PCNX4: variants seen among roughly 807,000 people sequenced by gnomAD.
PCNX4 encodes pecanex-like protein 4.
In PCNX4, 103 loss-of-function variants were observed where a neutral mutation model predicts 107.2. The ratio of observed to expected loss-of-function variants is 0.96; its 90% confidence interval spans 0.82 to 1.13. The LOEUF is 1.13. Among genes scored for constraint, PCNX4 ranks in the 50% most tolerant of loss-of-function variants. The pLI, the probability that PCNX4 is intolerant of heterozygous loss-of-function variation, is 0.00. For missense variants in PCNX4, 1,528 were observed against 1,379.4 expected (o/e 1.11, Z -1.71); for synonymous variants, 541 against 481.7 (o/e 1.12, Z -1.61).
chr14:60,092,850 C>T (rs1000354187), intron 1 of PCNX4, among the ~76,000 whole-genome samples: 2 of 152,248 alleles, frequency 1.3e-5, no homozygotes, highest in Non-Finnish European at 2.9e-5. Context: ...AACCTCTTGT[C>T]TCTCCAGGAC....
rs1000505381 is a variant in PCNX4 at position 60,145,757 on chromosome 14, C to T, written c.*11536C>T. The T allele has an allele frequency of 1.2e-4, 19 of 152,040 alleles. No homozygotes were observed. The highest frequency in any genetic ancestry group is 4.6e-4 in the African/African-American group (19 of 41,400). 9.4% of individuals were successfully genotyped at this position (152,040 alleles called of 1,614,324 possible). On this transcript the variant is annotated 3_prime_UTR_variant, in exon 11 of 11. Coordinates refer to ENST00000406854, the MANE Select transcript of PCNX4 (RefSeq NM_001330177.2). This position sits in a 1 kb window ranked among gnomAD's most constrained non-coding sequence, Gnocchi z 4.0. ...ATAAAACAAGGCAACCTGATAATCC[C>T]CAAGATGTGATGTTTCTTTTCAGAA...
chr14:60,144,761 T>C lies in PCNX4; in HGVS notation c.*10540T>C. ...TAAAAGGTTATTTTATCCAAGAATA[T>C]AGTATGAGTTAATACCTTTTTTGCA... On this transcript the variant is annotated 3_prime_UTR_variant, in exon 11 of 11. Transcript: ENST00000406854. 1.8e-6 allele frequency: 1 copy of C among 540,912 alleles called. No homozygotes were observed. The highest frequency in any genetic ancestry group is 3.2e-6 in the Non-Finnish European group (1 of 311,050). 33.5% of individuals were successfully genotyped at this position (540,912 alleles called of 1,614,324 possible). A position where few individuals can be genotyped will look rare whatever the true frequency, so the allele number is the denominator to read the frequency against.
Position 60,092,290 on chromosome 14 carries a change from G to T in PCNX4, c.-183G>T, listed in dbSNP as rs1329040883. 1 of 152,290 alleles carries T rather than the reference G, an allele frequency of 6.6e-6. No individual in the cohort carries two copies. The highest frequency in any genetic ancestry group is 1.9e-4 in the East Asian group (1 of 5,194). The allele number at this position is 152,290 out of a possible 1,614,324, so 9.4% of individuals were successfully genotyped here. On this transcript the variant is annotated 5_prime_UTR_variant, in exon 1 of 11. Transcript: ENST00000406854. The stretch of plus-strand genomic sequence containing the variant: ...GCCGCGGTGAGCTCGTTATTCGGCC[G>T]CCGCAGCTTTTCTGCCTCCGCATTC...
chr14:60,119,679 C>T (rs1300126220), intron 7 of PCNX4, among the ~76,000 whole-genome samples: 2 of 151,970 alleles, frequency 1.3e-5, no homozygotes, highest in Non-Finnish European at 2.9e-5. Context: ...TTTTAAAACA[C>T]CTGTGGGGTT....
rs772038136 is a variant in PCNX4 at position 60,133,973 on chromosome 14, AT to A, written c.3274del (p.Tyr1092ThrfsTer12). 1 of 1,611,422 alleles carries A rather than the reference AT, an allele frequency of 6.2e-7. No individual in the cohort carries two copies. Among genetic ancestry groups the A allele is most frequent in the Non-Finnish European group, 8.5e-7 (1 of 1,178,306 alleles). ...FSLGYDSNMG[I>X]YTGRVLSLQE... ...TCCTACCCTTTTTACTTTAAAGGGA[AT>A]TTACACTGGGAGAGTGCTTAGCCTT... On this transcript the variant is annotated frameshift_variant, in exon 11 of 11. Coordinates refer to ENST00000406854, the MANE Select transcript of PCNX4 (RefSeq NM_001330177.2). LOFTEE classifies it high-confidence loss of function.
At position 60,104,318 on chromosome 14, in the gene PCNX4, CAAAAAA is replaced by C. The variant is rs200434027; in HGVS notation, c.-53-3244_-53-3239del. ...TGGGTGACAGAGCAAGACTCCATCTCAAAAAAAAAAAAAAAAAAAAAAAAAAAAAGA... is the reference window on the plus strand; with the variant it reads ...TGGGTGACAGAGCAAGACTCCATCTCAAAAAAAAAAAAAAAAAAAAAAAGA... On this transcript the variant is annotated intron_variant, in intron 1 of 10. Coordinates refer to ENST00000406854, the MANE Select transcript of PCNX4 (RefSeq NM_001330177.2). 5.9e-3 allele frequency among the ~76,000 whole-genome samples: 767 copies of C among 129,232 alleles called. 4 individuals carry two copies. Among genetic ancestry groups the C allele is most frequent in the African/African-American group, 0.026 (733 of 28,110 alleles). 84.8% of individuals were successfully genotyped at this position (129,232 alleles called of 152,430 possible). A position where few individuals can be genotyped will look rare whatever the true frequency, so the allele number is the denominator to read the frequency against.
At chr14:60,102,424 A>C (rs1463441445) in intron 1 of PCNX4, among the ~76,000 whole-genome samples, 2 of 152,114 alleles carry the variant, frequency 1.3e-5, no homozygotes, top group African/African-American at 4.8e-5. Flanking sequence ...TTTTTTGTTT[A>C]ACAGATTTTT....
chr14:60,133,890 C>CT lies in PCNX4; in HGVS notation c.3268-79dup, dbSNP rs3215902. ...TGCCTAATTACAATGCAATTTTTCT[C>CT]TAAGTTTATGAATAAAATATAAAGA... On this transcript the variant is annotated intron_variant, in intron 10 of 10. Coordinates refer to ENST00000406854, the MANE Select transcript of PCNX4 (RefSeq NM_001330177.2). 3.9e-3 allele frequency: 5,405 copies of CT among 1,390,608 alleles called. 237 individuals carry two copies. In the East Asian group the frequency reaches 0.088, roughly 23 times the overall value. 86.1% of individuals were successfully genotyped at this position (1,390,608 alleles called of 1,614,324 possible).
rs75606794 is a variant in PCNX4 at position 60,127,461 on chromosome 14, C to T, written c.3267+1638C>T. ...ATGAACACTTAACAGACAAGATAGC[C>T]GTGCCAAAACCATCCCAAGGTAGCT... On this transcript the variant is annotated intron_variant, in intron 10 of 10. Coordinates refer to ENST00000406854, the MANE Select transcript of PCNX4 (RefSeq NM_001330177.2). 8.8e-3 allele frequency among the ~76,000 whole-genome samples: 1,343 copies of T among 152,246 alleles called. 8 individuals are homozygous for T. The highest frequency in any genetic ancestry group is 0.013 in the Non-Finnish European group (893 of 68,022).
chr14:60,097,146 C>T (rs1230947409), intron 1 of PCNX4, among the ~76,000 whole-genome samples: 1 of 152,178 alleles, frequency 6.6e-6, no homozygotes, highest in Non-Finnish European at 1.5e-5. Flanking sequence ...CAGGCGCTGC[C>T]TCTAAACCCC....
At position 60,138,253 on chromosome 14, in the gene PCNX4, T is replaced by C. The variant is rs1244251202; in HGVS notation, c.*4032T>C. 6.6e-6 allele frequency: 1 copy of C among 151,918 alleles called. No homozygotes were observed. Among genetic ancestry groups the C allele is most frequent in the Non-Finnish European group, 1.5e-5 (1 of 67,984 alleles). The allele number at this position is 151,918 out of a possible 1,614,324, so 9.4% of individuals were successfully genotyped here. A position where few individuals can be genotyped will look rare whatever the true frequency, so the allele number is the denominator to read the frequency against. On this transcript the variant is annotated 3_prime_UTR_variant, in exon 11 of 11. Coordinates refer to ENST00000406854, the MANE Select transcript of PCNX4 (RefSeq NM_001330177.2). ...AATATAGTAGAGAGTATAAGAGACA[T>C]AGAGTTAACTTGAGAAGATCTAACA...
intron 8 of PCNX4, among the ~76,000 whole-genome samples, chr14:60,121,679 C>T (rs944125290): frequency 3.9e-5 from 6 of 152,102 alleles, no homozygotes; most frequent in Non-Finnish European, 5.9e-5. Context: ...CTATTTGTCT[C>T]CTTCCTTGAA....
At position 60,118,680 on chromosome 14, in the gene PCNX4, G is replaced by A. The variant is rs778724148; in HGVS notation, c.1930G>A (p.Ala644Thr). 7 of 1,570,450 alleles carry A rather than the reference G, an allele frequency of 4.5e-6. No individual in the cohort carries two copies. In the East Asian group the frequency reaches 1.1e-4, roughly 25 times the overall value. The change falls in exon 7 of 11, where the codon GCT becomes ACT. Residue 644 changes from alanine to threonine, a missense_variant. Physicochemically the swap from Ala to Thr is moderately conservative, Grantham distance 58 (BLOSUM62 0). Transcript: ENST00000406854. ...TGCTGTACTGCAGACTGCAATGGCA[G>A]CTGGAAGTTTAGGTAAGTAAATGGG... is the stretch of plus-strand genomic sequence containing the variant. ...LTAVLQTAMA[A>T]GSLGLLLPGS...
chr14:60,096,115 A>G (rs1895419287), intron 1 of PCNX4, among the ~76,000 whole-genome samples: 1 of 150,922 alleles, frequency 6.6e-6, no homozygotes, highest in South Asian at 2.1e-4. Flanking sequence ...CACTCAACTG[A>G]TTGATTAACG....
At chr14:60,096,421 C>T (rs1895426368) in intron 1 of PCNX4, among the ~76,000 whole-genome samples, 1 of 152,166 alleles carries the variant, frequency 6.6e-6, no homozygotes, top group Non-Finnish European at 1.5e-5. Flanking sequence ...ATCTGTGGTA[C>T]AAAGATTGAA....
chr14:60,123,280 G>C (rs957210807), intron 8 of PCNX4, among the ~76,000 whole-genome samples: 1 of 151,896 alleles, frequency 6.6e-6, no homozygotes, highest in South Asian at 2.1e-4. Flanking sequence ...ACACAAGCTG[G>C]GTTAGGCCAT....
At chr14:60,129,432 G>A (rs996954340) in intron 10 of PCNX4, among the ~76,000 whole-genome samples, 4 of 151,752 alleles carry the variant, frequency 2.6e-5, no homozygotes, top group Non-Finnish European at 5.9e-5. Context: ...TGCATTTGTA[G>A]TCCTAGCTAC....
intron 1 of PCNX4, among the ~76,000 whole-genome samples, chr14:60,101,333 T>C (rs1215621952): frequency 6.6e-6 from 1 of 152,244 alleles, no homozygotes; most frequent in Non-Finnish European, 1.5e-5. Context: ...GTCACTCATA[T>C]TTGGCTCAGA....
At chr14:60,096,190 A>T (rs978238490) in intron 1 of PCNX4, among the ~76,000 whole-genome samples, 2 of 152,114 alleles carry the variant, frequency 1.3e-5, no homozygotes, top group Non-Finnish European at 2.9e-5. Flanking sequence ...ATGTTCTTCA[A>T]TTCATCTGGA....
Sources: allele counts gnomAD v4.1 joint callset (sites outside exome capture counted in the v4.1 genomes callset), GRCh38; gene constraint gnomAD v4.1.1; non-coding constraint Gnocchi (gnomAD v3.1); transcripts MANE v1.5; gene names NCBI Gene and HGNC (gene_info 2026-07-23, HGNC 2026-07-21).